MGA: variants seen among roughly 807,000 people sequenced by gnomAD.
MGA encodes the protein MAX gene-associated protein.
A neutral mutation model predicts 261.1 loss-of-function variants in MGA; 40 were observed. The observed-to-expected ratio is 0.15, with a 90% CI of 0.12 to 0.20. The LOEUF is 0.20. Ranked by LOEUF, MGA falls within the 10% of genes least tolerant of loss-of-function variation. The pLI, the probability that MGA is intolerant of heterozygous loss-of-function variation, is 1.00. For synonymous variants in MGA, 1,302 were observed against 1,290.6 expected (o/e 1.01, Z -0.19); for missense variants, 3,397 against 3,630.5 (o/e 0.94, Z 1.65).
At chr15:41,731,888 A>T (rs1229736629) in intron 11 of MGA, among the ~76,000 whole-genome samples, 1 of 152,210 alleles carries the variant, frequency 6.6e-6, no homozygotes, top group Non-Finnish European at 1.5e-5. Flanking sequence ...CCACTGGGCA[A>T]TTATACATTC....
rs1381398180 is a variant in MGA at position 41,727,347 on chromosome 15, G to A, written c.3598G>A (p.Gly1200Ser). ...AGAAGTTTTATCTCCTACTGTGAAGGGCAAACTGCTCACTGGAATTAAATC... is the reference window on the plus strand; with the variant it reads ...AGAAGTTTTATCTCCTACTGTGAAGAGCAAACTGCTCACTGGAATTAAATC... The change falls in exon 10 of 24, where the codon GGC becomes AGC. Residue 1200 changes from glycine (G) to serine (S), a missense_variant. Coordinates refer to ENST00000219905, the MANE Select transcript of MGA (RefSeq NM_001164273.2). The A allele has an allele frequency of 1.2e-6, 2 of 1,613,730 alleles. No individual in the cohort carries two copies. Among genetic ancestry groups the A allele is most frequent in the Admixed American group, 3.3e-5 (2 of 59,974 alleles).
intron 18 of MGA, among the ~76,000 whole-genome samples, chr15:41,756,201 A>G (rs2151960786): frequency 6.6e-6 from 1 of 152,338 alleles, no homozygotes; most frequent in East Asian, 1.9e-4. Context: ...TGTCAAGGGT[A>G]TAAAAAAATT....
intron 1 of MGA, among the ~76,000 whole-genome samples, chr15:41,655,106 C>T (rs1484981209): frequency 2.0e-5 from 3 of 151,908 alleles, no homozygotes; most frequent in East Asian, 3.9e-4. Flanking sequence ...GCTCAAGTCT[C>T]TTCTATAAAA....
chr15:41,679,337 C>G (rs1014414887), intron 2 of MGA, among the ~76,000 whole-genome samples: 2 of 152,146 alleles, frequency 1.3e-5, no homozygotes, highest in African/African-American at 4.8e-5. Flanking sequence ...AGCCACCGCG[C>G]TGGGCCGAGG....
intron 2 of MGA, among the ~76,000 whole-genome samples, chr15:41,670,596 C>G (rs1446673278): frequency 6.6e-6 from 1 of 152,158 alleles, no homozygotes; most frequent in Non-Finnish European, 1.5e-5. Context: ...AGCTCCGCCT[C>G]CTGGGTTCAC....
upstream of MGA, among the ~76,000 whole-genome samples, chr15:41,656,343 CT>C (rs76277206): frequency 0.025 from 930 of 37,532 alleles, 37 homozygotes; most frequent in Non-Finnish European, 0.047. Context: ...CCTCTCCTCT[CT>C]TCTCTCTCTC....
rs1006152603 is a variant in MGA, at chr15:41,710,890, A to G, written c.2625A>G (p.Gln875=). 5 of 1,613,934 alleles carry G rather than the reference A, an allele frequency of 3.1e-6. No individual in the cohort carries two copies. The highest frequency in any genetic ancestry group is 1.6e-4 in the Middle Eastern group (1 of 6,062). The change falls in exon 8 of 24, where the codon CAA becomes CAG. Residue 875 remains glutamine, a synonymous_variant. Coordinates refer to ENST00000219905, the MANE Select transcript of MGA (RefSeq NM_001164273.2). ...CACTTGATAGTGTACTAAAGAAGCA[A>G]TCTACTATTTCCCCTTCTACCTCTT...
intron 2 of MGA, among the ~76,000 whole-genome samples, chr15:41,678,416 G>A (rs2058495198): frequency 6.6e-6 from 1 of 151,228 alleles, no homozygotes. Context: ...GTAAGGTAAG[G>A]CTTCAGCTTC....
At chr15:41,761,248 A>C (rs1352658868) in intron 20 of MGA, among the ~76,000 whole-genome samples, 1 of 152,280 alleles carries the variant, frequency 6.6e-6, no homozygotes, top group Non-Finnish European at 1.5e-5. Context: ...GTTGACAGTC[A>C]TTTTAAAAGA....
At chr15:41,658,709 T>G (rs943702381), upstream of MGA, among the ~76,000 whole-genome samples, 3 of 151,744 alleles carry the variant, frequency 2.0e-5, no homozygotes, top group Middle Eastern at 3.4e-3. Context: ...CAGCGTTTTT[T>G]TTTTGTTTTG....
chr15:41,665,674 C>T (rs1481283817), intron 1 of MGA, among the ~76,000 whole-genome samples: 6 of 151,944 alleles, frequency 3.9e-5, no homozygotes, highest in African/African-American at 1.5e-4. Context: ...GGCCTCATTT[C>T]TTTATTATAA....
chr15:41,651,133 C>A (rs1479753216), intron 1 of MGA, among the ~76,000 whole-genome samples: 1 of 152,138 alleles, frequency 6.6e-6, no homozygotes. Flanking sequence ...AGATAACTAA[C>A]CCACTCCTGT....
chr15:41,658,464 G>C (rs1595586815), upstream of MGA, among the ~76,000 whole-genome samples: 2 of 151,978 alleles, frequency 1.3e-5, no homozygotes, highest in African/African-American at 4.8e-5. Flanking sequence ...AAATAAAAAA[G>C]AAAAACAAGC....
chr15:41,748,113 C>T (rs2062608471), intron 15 of MGA, among the ~76,000 whole-genome samples: 1 of 151,798 alleles, frequency 6.6e-6, no homozygotes, highest in Non-Finnish European at 1.5e-5. Flanking sequence ...CATAATTAGC[C>T]AGGTGTAGTG....
In MGA at chr15:41,736,231, T is replaced by C. The variant is rs1352412840; in HGVS notation, c.3967T>C (p.Tyr1323His). 2 of 1,611,788 alleles carry C rather than the reference T, an allele frequency of 1.2e-6. No individual in the cohort carries two copies. Among genetic ancestry groups the C allele is most frequent in the Non-Finnish European group, 8.5e-7 (1 of 1,178,816 alleles). ...TGAAGGAGAATCCTCTTCTACTTCT[T>C]ATATGCATCAGAGGTCACCTGGTGG... The change falls in exon 13 of 24, where the codon TAT becomes CAT. Residue 1323 changes from tyrosine to histidine, a missense_variant. Coordinates refer to ENST00000219905, the MANE Select transcript of MGA (RefSeq NM_001164273.2).
intron 2 of MGA, among the ~76,000 whole-genome samples, chr15:41,676,028 G>A (rs1107858): frequency 0.28 from 42,439 of 152,040 alleles, 7,144 homozygotes; most frequent in Admixed American, 0.38. Flanking sequence ...TTTTCCATGT[G>A]TGACATAGTT....
intron 2 of MGA, among the ~76,000 whole-genome samples, chr15:41,678,193 C>T (rs1036425599): frequency 3.3e-5 from 5 of 150,714 alleles, no homozygotes; most frequent in East Asian, 2.0e-4. Flanking sequence ...CAGGTTCAAG[C>T]GATTCTCCTG....
intron 22 of MGA, among the ~76,000 whole-genome samples, chr15:41,763,831 T>C (rs1422207565): frequency 5.9e-5 from 9 of 152,144 alleles, no homozygotes; most frequent in Non-Finnish European, 1.2e-4. Context: ...AGTAAAGTTA[T>C]ATTGATTTTA....
intron 13 of MGA, among the ~76,000 whole-genome samples, chr15:41,737,010 G>A (rs962618281): frequency 6.6e-6 from 1 of 152,098 alleles, no homozygotes; most frequent in African/African-American, 2.4e-5. Flanking sequence ...TAAAGCAAGG[G>A]TAATCAGGGA....
Sources: allele counts gnomAD v4.1 joint callset (sites outside exome capture counted in the v4.1 genomes callset), GRCh38; gene constraint gnomAD v4.1.1; transcripts MANE v1.5; gene names NCBI Gene and HGNC (gene_info 2026-07-23, HGNC 2026-07-21).